Variants in SLC25A21 observed in about 807,000 individuals in gnomAD.
The protein encoded by SLC25A21 is mitochondrial 2-oxodicarboxylate carrier.
A neutral mutation model predicts 43.8 loss-of-function variants in SLC25A21; 47 were observed. The ratio of observed to expected loss-of-function variants is 1.07; its 90% CI spans 0.85 to 1.37. SLC25A21 has a LOEUF of 1.37. Ranked by LOEUF, SLC25A21 falls within the 40% of genes most tolerant of loss-of-function variation. The pLI is 0.00. For synonymous variants in SLC25A21, 131 were observed against 121.3 expected, an observed-to-expected ratio of 1.08 and a Z score of -0.52; for missense variants, 352 against 350.2, an observed-to-expected ratio of 1.00 and a Z score of -0.04.
chr14:37,066,771 G>C (rs911507140), intron 1 of SLC25A21, among the ~76,000 whole-genome samples: 5 of 152,012 alleles, frequency 3.3e-5, no homozygotes. Flanking sequence ...GAGAGAGAAG[G>C]ACAGAGAACA....
At chr14:36,733,407 T>C (rs530027226) in intron 4 of SLC25A21, among the ~76,000 whole-genome samples, 1 of 152,312 alleles carries the variant, frequency 6.6e-6, no homozygotes, top group South Asian at 2.1e-4. Context: ...ACAAAACCTA[T>C]ACCAACAAAG....
chr14:37,166,297 G>T (rs57235476), intron 1 of SLC25A21, among the ~76,000 whole-genome samples: 16,884 of 152,266 alleles, frequency 0.11, 2,288 homozygotes, highest in African/African-American at 0.32. Context: ...CTAGATAGAT[G>T]AAATGATTTG....
At chr14:36,768,298 C>G (rs1886488969) in intron 3 of SLC25A21, among the ~76,000 whole-genome samples, 1 of 152,094 alleles carries the variant, frequency 6.6e-6, no homozygotes, top group South Asian at 2.1e-4. Flanking sequence ...GTTTCAGTGT[C>G]AAAACGAACA....
rs180848857 is a variant in SLC25A21 at position 36,686,807 on chromosome 14, C to T, written c.604-1882G>A. On this transcript the variant is annotated intron_variant, in intron 7 of 9. Coordinates refer to ENST00000331299, the MANE Select transcript of SLC25A21 (RefSeq NM_030631.4). ...TTTGGGAGACTGGCTGATGTGTTTG[C>T]TGAGGACCAGAGTTGGGGATGGAAG... is the stretch of plus-strand genomic sequence containing the variant. 2.5e-3 allele frequency among the ~76,000 whole-genome samples: 374 copies of T among 152,234 alleles called. 1 individual carries two copies. The highest frequency in any genetic ancestry group is 6.4e-3 in the South Asian group (31 of 4,828).
At chr14:36,752,723 G>A (rs1885755578) in intron 3 of SLC25A21, among the ~76,000 whole-genome samples, 1 of 152,136 alleles carries the variant, frequency 6.6e-6, no homozygotes. Flanking sequence ...GTTGTGGGAG[G>A]GGCCTGGTGG....
intron 1 of SLC25A21, among the ~76,000 whole-genome samples, chr14:36,902,624 A>G (rs1891426590): frequency 6.6e-6 from 1 of 152,188 alleles, no homozygotes; most frequent in African/African-American, 2.4e-5. Flanking sequence ...GGTTTGTGCT[A>G]GTGTTAATTT....
intron 1 of SLC25A21, among the ~76,000 whole-genome samples, chr14:37,102,462 T>C (rs1223149305): frequency 6.7e-6 from 1 of 150,044 alleles, no homozygotes; most frequent in Non-Finnish European, 1.5e-5. Flanking sequence ...AAGTAACAAA[T>C]GTTTATCCCT....
chr14:37,089,181 T>C (rs551304938), intron 1 of SLC25A21, among the ~76,000 whole-genome samples: 1 of 152,250 alleles, frequency 6.6e-6, no homozygotes, highest in Non-Finnish European at 1.5e-5. Flanking sequence ...AAGAATGGCC[T>C]CCAATGAGGA....
chr14:36,972,174 C>T (rs1298382710), intron 1 of SLC25A21, among the ~76,000 whole-genome samples: 1 of 152,090 alleles, frequency 6.6e-6, no homozygotes, highest in East Asian at 1.9e-4. Context: ...CCATGCTGTA[C>T]AGGTTTGTAG....
At chr14:37,144,473 A>G (rs1047307518) in intron 1 of SLC25A21, among the ~76,000 whole-genome samples, 9 of 152,196 alleles carry the variant, frequency 5.9e-5, no homozygotes, top group Admixed American at 5.2e-4. Context: ...ATATTAGTTA[A>G]GAACCACTCC....
chr14:36,852,399 G>A (rs1425773464), intron 2 of SLC25A21, among the ~76,000 whole-genome samples: 3 of 152,148 alleles, frequency 2.0e-5, no homozygotes, highest in African/African-American at 7.2e-5. Flanking sequence ...TGGTTAAAGT[G>A]TCCTGTGCCC....
chr14:36,855,844 C>G (rs1457592411), intron 2 of SLC25A21, among the ~76,000 whole-genome samples: 1 of 152,190 alleles, frequency 6.6e-6, no homozygotes, highest in Non-Finnish European at 1.5e-5. Flanking sequence ...CTTCCCTTAA[C>G]CCAGTGGTTC....
chr14:36,905,632 T>G (rs1205179841), intron 1 of SLC25A21, among the ~76,000 whole-genome samples: 1 of 152,108 alleles, frequency 6.6e-6, no homozygotes, highest in Non-Finnish European at 1.5e-5. Context: ...TTTTTTTTTT[T>G]GTCTTTAAAA....
chr14:37,155,770 T>C (rs190475919), intron 1 of SLC25A21, among the ~76,000 whole-genome samples: 1 of 152,294 alleles, frequency 6.6e-6, no homozygotes, highest in East Asian at 1.9e-4. Context: ...AAGCAAATGC[T>C]GAAGGAATTT....
intron 1 of SLC25A21, among the ~76,000 whole-genome samples, chr14:37,011,153 C>T (rs1280836953): frequency 1.3e-5 from 2 of 152,120 alleles, no homozygotes; most frequent in East Asian, 1.9e-4. Flanking sequence ...TCCCAAACTG[C>T]GGGGCTTACA....
At chr14:36,712,905 T>C (rs78800181) in intron 6 of SLC25A21, among the ~76,000 whole-genome samples, 1 of 152,172 alleles carries the variant, frequency 6.6e-6, no homozygotes, top group Non-Finnish European at 1.5e-5. Flanking sequence ...TCAAAAGAGA[T>C]AGGACAAGTT....
At chr14:36,863,136 C>T (rs1170820466) in intron 2 of SLC25A21, among the ~76,000 whole-genome samples, 1 of 152,144 alleles carries the variant, frequency 6.6e-6, no homozygotes, top group Non-Finnish European at 1.5e-5. Flanking sequence ...TTATTTACCT[C>T]TCAGCTTAAA....
chr14:36,989,617 G>GA (rs983172202), intron 1 of SLC25A21, among the ~76,000 whole-genome samples: 1 of 151,588 alleles, frequency 6.6e-6, no homozygotes, highest in African/African-American at 2.4e-5. Flanking sequence ...AGGTTTCCAG[G>GA]AAAAAAATGC....
intron 1 of SLC25A21, among the ~76,000 whole-genome samples, chr14:36,897,945 C>A (rs762546910): frequency 1.6e-4 from 25 of 152,214 alleles, no homozygotes; most frequent in Non-Finnish European, 3.1e-4. Context: ...TCTGACCCTA[C>A]TGGGGGATGC....
Sources: gnomAD v4.1 joint callset for allele counts (sites outside exome capture counted in the v4.1 genomes callset) on GRCh38, gnomAD v4.1.1 for gene constraint, MANE v1.5 for transcripts, NCBI Gene and HGNC (gene_info 2026-07-23, HGNC 2026-07-21) for gene names.